NEGR1: variants seen among roughly 807,000 people sequenced by gnomAD.
The protein encoded by NEGR1 is neuronal growth regulator 1.
In NEGR1, 10 loss-of-function variants were observed where a neutral mutation model predicts 40.9. That is an observed-to-expected ratio of 0.24 (90% CI 0.15 to 0.42). The LOEUF (loss-of-function observed/expected upper bound fraction) is 0.42, where lower values mean the gene tolerates loss of function less well. Ranked by LOEUF, NEGR1 falls within the 10% of genes least tolerant of loss-of-function variation. The pLI, the probability that NEGR1 is intolerant of heterozygous loss-of-function variation, is 1.00. For synonymous variants in NEGR1, 185 were observed against 166.8 expected (o/e 1.11, Z -0.84); for missense variants, 352 against 438.9 (o/e 0.80, Z 1.77).
chr1:71,864,936 A>G (rs1660069001), intron 2 of NEGR1, among the ~76,000 whole-genome samples: 1 of 152,182 alleles, frequency 6.6e-6, no homozygotes, highest in Non-Finnish European at 1.5e-5. Context: ...TTAGGCACAC[A>G]TGAAGAAGAA....
rs537530903 is a variant in NEGR1 at position 71,996,320 on chromosome 1, T to C, written c.177-61009A>G. 4.6e-5 allele frequency among the ~76,000 whole-genome samples: 7 copies of C among 152,258 alleles called. No individual in the cohort carries two copies. In the East Asian group the frequency reaches 1.2e-3, roughly 25 times the overall value. Reference sequence around the variant, plus strand: ...GCTATAAGAAGTCACACAATTATTTTCATTGAGACAAGTTAGGATCATATG... The same window carrying C: ...GCTATAAGAAGTCACACAATTATTTCCATTGAGACAAGTTAGGATCATATG... On this transcript the variant is annotated intron_variant, in intron 1 of 6. Transcript: ENST00000357731.
At chr1:72,068,686 T>A (rs2100506099) in intron 1 of NEGR1, among the ~76,000 whole-genome samples, 1 of 152,282 alleles carries the variant, frequency 6.6e-6, no homozygotes, top group Middle Eastern at 3.4e-3. Flanking sequence ...TAGAATGTTA[T>A]ATAATCAGAA....
intron 1 of NEGR1, among the ~76,000 whole-genome samples, chr1:72,082,041 T>C (rs984109594): frequency 6.6e-6 from 1 of 152,122 alleles, no homozygotes; most frequent in Non-Finnish European, 1.5e-5. Context: ...ACCAGCTTGG[T>C]CCATTTCTCA....
At chr1:71,848,798 T>G (rs1404260305) in intron 2 of NEGR1, among the ~76,000 whole-genome samples, 1 of 152,056 alleles carries the variant, frequency 6.6e-6, no homozygotes, top group Non-Finnish European at 1.5e-5. Flanking sequence ...TTAAGAAATA[T>G]ATTTCATGGC....
chr1:71,565,259 G>T (rs575319318), intron 6 of NEGR1, among the ~76,000 whole-genome samples: 1 of 152,102 alleles, frequency 6.6e-6, no homozygotes. Context: ...TTGGCTTGGG[G>T]TTACTAGGGA....
At chr1:71,478,352 T>C (rs966848413) in intron 6 of NEGR1, among the ~76,000 whole-genome samples, 3 of 152,180 alleles carry the variant, frequency 2.0e-5, no homozygotes, top group Non-Finnish European at 1.5e-5. Flanking sequence ...CAGACCCGCT[T>C]TTCCAGCCTC....
intron 3 of NEGR1, among the ~76,000 whole-genome samples, chr1:71,767,844 C>A (rs976613211): frequency 1.3e-5 from 2 of 152,234 alleles, no homozygotes; most frequent in Non-Finnish European, 2.9e-5. Context: ...CTCCCTGCAT[C>A]CCAGCAACTC....
chr1:71,975,125 G>A (rs1391918345), intron 1 of NEGR1, among the ~76,000 whole-genome samples: 2 of 152,146 alleles, frequency 1.3e-5, no homozygotes, highest in Admixed American at 6.5e-5. Context: ...AAGGAATTCA[G>A]AGTTTTCCAA....
chr1:71,618,144 G>T (rs1424742639), intron 4 of NEGR1, among the ~76,000 whole-genome samples: 1 of 152,144 alleles, frequency 6.6e-6, no homozygotes, highest in Non-Finnish European at 1.5e-5. Flanking sequence ...AAGAGGCTGA[G>T]CCAGGACCTT....
chr1:72,042,816 A>G (rs757160746), intron 1 of NEGR1, among the ~76,000 whole-genome samples: 1 of 152,034 alleles, frequency 6.6e-6, no homozygotes, highest in South Asian at 2.1e-4. Context: ...TATTACCAGG[A>G]TGCTTTTATT....
At chr1:71,816,465 G>A (rs955844488) in intron 2 of NEGR1, among the ~76,000 whole-genome samples, 3 of 152,096 alleles carry the variant, frequency 2.0e-5, no homozygotes, top group Non-Finnish European at 4.4e-5. Flanking sequence ...TGAAGGAGGA[G>A]CAAAGGCATG....
At chr1:72,107,520 A>G (rs1331275445) in intron 1 of NEGR1, among the ~76,000 whole-genome samples, 1 of 151,722 alleles carries the variant, frequency 6.6e-6, no homozygotes, top group Admixed American at 6.6e-5. Flanking sequence ...CATTTCAAAG[A>G]AAAGCTAATT....
intron 1 of NEGR1, among the ~76,000 whole-genome samples, chr1:71,960,737 C>A (rs893679458): frequency 2.0e-5 from 3 of 152,128 alleles, no homozygotes; most frequent in Admixed American, 2.0e-4. Context: ...TCATTAAGGC[C>A]TGCTTTCCTG....
chr1:71,625,303 C>G (rs974067661), intron 4 of NEGR1, among the ~76,000 whole-genome samples: 9 of 152,000 alleles, frequency 5.9e-5, no homozygotes, highest in African/African-American at 2.2e-4. Flanking sequence ...GACACACACA[C>G]ACACACACAC....
chr1:71,921,703 AATATATATATAT>A (rs61614174), intron 2 of NEGR1, among the ~76,000 whole-genome samples: 85 of 134,042 alleles, frequency 6.3e-4, no homozygotes, highest in Admixed American at 1.7e-3. Context: ...ACAGTACAAG[AATATATATATAT>A]ATATATATAT....
intron 1 of NEGR1, among the ~76,000 whole-genome samples, chr1:72,117,653 G>C (rs1163485883): frequency 1.3e-5 from 2 of 151,684 alleles, no homozygotes; most frequent in Non-Finnish European, 2.9e-5. Context: ...AATATTTCAG[G>C]AATCTTCCTC....
chr1:71,552,770 A>G (rs1648129401), intron 6 of NEGR1, among the ~76,000 whole-genome samples: 2 of 151,312 alleles, frequency 1.3e-5, no homozygotes, highest in Admixed American at 1.3e-4. Context: ...ATCTGGGTTT[A>G]CTGCTTTAAC....
chr1:72,162,305 T>TAAAAAATAAAAAA (rs1299947016), intron 1 of NEGR1, among the ~76,000 whole-genome samples: 70 of 150,282 alleles, frequency 4.7e-4, no homozygotes, highest in African/African-American at 1.6e-3. Context: ...AAAATAAAAA[T>TAAAAAATAAAAAA]AAAAAATAAA....
At chr1:72,252,317 T>C (rs1655129541) in intron 1 of NEGR1, among the ~76,000 whole-genome samples, 1 of 152,158 alleles carries the variant, frequency 6.6e-6, no homozygotes, top group Admixed American at 6.5e-5. Context: ...GTGCTAGGAT[T>C]ACAGGCATGA....
Sources: allele counts gnomAD v4.1 joint callset (sites outside exome capture counted in the v4.1 genomes callset), GRCh38; gene constraint gnomAD v4.1.1; transcripts MANE v1.5; gene names NCBI Gene and HGNC (gene_info 2026-07-23, HGNC 2026-07-21).